TGM4: variants seen among roughly 807,000 people sequenced by gnomAD.
TGM4 encodes the protein protein-glutamine gamma-glutamyltransferase 4.
Under a neutral mutation model 76.3 loss-of-function variants are expected in TGM4, and 61 were observed. The ratio of observed to expected loss-of-function variants is 0.80; its 90% CI spans 0.65 to 0.99. The LOEUF is 0.99. Ranked by LOEUF, TGM4 falls within the 50% of genes least tolerant of loss-of-function variation. TGM4 has a pLI of 0.00. For synonymous variants in TGM4, 337 were observed against 329.8 expected (o/e 1.02, Z -0.24); for missense variants, 794 against 843.2 (o/e 0.94, Z 0.72).
chr3:44,896,896 T>G, intron 6 of TGM4, 80 bp downstream of exon 6: 3 of 1,215,738 alleles, frequency 2.5e-6, no homozygotes, highest in Non-Finnish European at 3.6e-6. Flanking sequence ...TCATCTAAAC[T>G]GTAAGCTCTT....
chr3:44,889,364 A>G (rs1275879632), intron 3 of TGM4, among the ~76,000 whole-genome samples: 1 of 151,572 alleles, frequency 6.6e-6, no homozygotes, highest in Non-Finnish European at 1.5e-5. Context: ...GACATCTTGC[A>G]GCCTCAAATG....
chr3:44,879,263 C>CTATATATA (rs1392219843), intron 1 of TGM4, among the ~76,000 whole-genome samples: 163 of 96,248 alleles, frequency 1.7e-3, no homozygotes, highest in Middle Eastern at 0.012. Flanking sequence ...CTCTCTCTCT[C>CTATATATA]TCTATATATA....
At position 44,896,716 on chromosome 3, in the gene TGM4, A is replaced by G. The variant is rs1312112333; in HGVS notation, c.557A>G (p.Lys186Arg). The G allele has an allele frequency of 6.2e-7, 1 of 1,614,136 alleles. No individual in the cohort carries two copies. Among genetic ancestry groups the G allele is most frequent in the Non-Finnish European group, 8.5e-7 (1 of 1,180,016 alleles). Reference protein sequence around the residue: ...CKPWNFGQFEKNVLDCCISLL... With the variant: ...CKPWNFGQFERNVLDCCISLL... ...CTTCATTTCCCAAAATAGTTTGAGA[A>G]AAATGTCCTGGACTGCTGCATTTCC... The change falls in exon 6 of 14, where the codon AAA becomes AGA. Residue 186 changes from lysine to arginine, a missense_variant. By Grantham distance (26) the Lys-to-Arg change is conservative. Coordinates refer to ENST00000296125, the MANE Select transcript of TGM4 (RefSeq NM_003241.4).
intron 5 of TGM4, among the ~76,000 whole-genome samples, chr3:44,895,942 G>T (rs1293757345): frequency 6.6e-6 from 1 of 152,142 alleles, no homozygotes; most frequent in African/African-American, 2.4e-5. Context: ...AGGAAACACA[G>T]AAATGTGGAA....
Position 44,896,807 on chromosome 3 carries a change from G to A in TGM4, c.648G>A (p.Met216Ile), listed in dbSNP as rs778372647. ...ACCCCGTGCTGGTGTGCAGGGCCAT[G>A]TGTGCTATGGTAGGTATGGAAAGCC... ...RRDPVLVCRA[M>I]CAMMSFEKGQ... Residue 216 changes from methionine (M) to isoleucine (I), a missense_variant, in exon 6 of 14, where the codon ATG becomes ATA. Met to Ile is a conservative substitution (Grantham distance 10, BLOSUM62 1). Transcript: ENST00000296125. The A allele has an allele frequency of 2.8e-5, 45 of 1,613,926 alleles. No individual in the cohort carries two copies. The highest frequency in any genetic ancestry group is 2.2e-4 in the Admixed American group (13 of 59,994).
intron 2 of TGM4, among the ~76,000 whole-genome samples, chr3:44,885,702 G>T (rs1027705513): frequency 6.6e-6 from 1 of 152,272 alleles, no homozygotes; most frequent in Admixed American, 6.5e-5. Context: ...ACATAGTGAG[G>T]CTCTGATTCC....
intron 8 of TGM4, among the ~76,000 whole-genome samples, chr3:44,902,799 C>T (rs1328731452): frequency 1.3e-5 from 2 of 152,132 alleles, no homozygotes; most frequent in African/African-American, 2.4e-5. Flanking sequence ...CCTTTGTTCT[C>T]TGATCCAGAG....
intron 9 of TGM4, among the ~76,000 whole-genome samples, chr3:44,904,879 G>C: frequency 6.6e-6 from 1 of 151,464 alleles, no homozygotes; most frequent in Non-Finnish European, 1.5e-5. Context: ...ACAGGACTTT[G>C]CCATATTGGT....
Position 44,893,619 on chromosome 3 carries a change from A to G in TGM4, c.473A>G (p.Tyr158Cys), listed in dbSNP as rs766347342. The change falls in exon 5 of 14, where the codon TAC becomes TGC. Residue 158 changes from tyrosine (Y) to cysteine (C), a missense_variant. Coordinates refer to ENST00000296125, the MANE Select transcript of TGM4 (RefSeq NM_003241.4). ...FMPDEDERKE[Y>C]ILNDTGCHYV... ...CCTGATGAGGACGAGCGCAAAGAGTACATCCTCAATGACACGGGCTGCCAT... is the reference window on the plus strand; with the variant it reads ...CCTGATGAGGACGAGCGCAAAGAGTGCATCCTCAATGACACGGGCTGCCAT... 1.7e-5 allele frequency: 27 copies of G among 1,613,942 alleles called. No individual in the cohort carries two copies. Among genetic ancestry groups the G allele is most frequent in the Non-Finnish European group, 2.2e-5 (26 of 1,179,882 alleles).
At chr3:44,884,505 G>A (rs1575712236) in intron 1 of TGM4, among the ~76,000 whole-genome samples, 1 of 151,968 alleles carries the variant, frequency 6.6e-6, no homozygotes, top group Non-Finnish European at 1.5e-5. Flanking sequence ...TTTTGGGGGG[G>A]ATGGAGTCTC....
At chr3:44,891,057 G>C (rs1699687685) in intron 4 of TGM4, among the ~76,000 whole-genome samples, 1 of 152,200 alleles carries the variant, frequency 6.6e-6, no homozygotes, top group Admixed American at 6.5e-5. Flanking sequence ...GCCAGCTCCA[G>C]GTCAGGGCCT....
chr3:44,885,625 C>T (rs1699595236), intron 2 of TGM4, 127 bp downstream of exon 2: 1 of 996,252 alleles, frequency 1.0e-6, no homozygotes, highest in Admixed American at 2.9e-5. Flanking sequence ...CCAGTTTCTC[C>T]ATCTGTAATG....
Position 44,911,306 on chromosome 3 carries a change from T to C in TGM4, c.1813T>C (p.Cys605Arg), listed in dbSNP as rs1485922818. 1 of 1,614,136 alleles carries C rather than the reference T, an allele frequency of 6.2e-7. No individual in the cohort carries two copies. Among genetic ancestry groups the C allele is most frequent in the African/African-American group, 1.3e-5 (1 of 74,942 alleles). ...NTGRIGQLLV[C>R]NCIFKNTLAI... is the part of the protein sequence containing the mutation. ...AGGCAGAATTGGCCAGCTACTTGTC[T>C]GCAATTGTATCTTCAAGAATACCCT... Residue 605 changes from cysteine to arginine, a missense_variant, in exon 13 of 14, where the codon TGC becomes CGC. Transcript: ENST00000296125.
chr3:44,878,454 TATTATTATTA>T (rs755288719), intron 1 of TGM4, among the ~76,000 whole-genome samples: 10,080 of 142,728 alleles, frequency 0.071, 460 homozygotes, highest in Middle Eastern at 0.12. Flanking sequence ...TTTGTTTTAT[TATTATTATTA>T]TTATTATTAT....
At position 44,874,659 on chromosome 3, in the gene TGM4, G is replaced by T. The variant is rs1575706853; in HGVS notation, c.-20G>T. 3 of 1,614,208 alleles carry T rather than the reference G, an allele frequency of 1.9e-6. No individual in the cohort carries two copies. Among genetic ancestry groups the T allele is most frequent in the South Asian group, 1.1e-5 (1 of 91,074 alleles). On this transcript the variant is annotated 5_prime_UTR_variant, in exon 1 of 14. Coordinates refer to ENST00000296125, the MANE Select transcript of TGM4 (RefSeq NM_003241.4). ...CAGAGATAGAGTCTTCCCTGGCATT[G>T]CAGGAGAGAATCTGAAGGGATGATG...
intron 11 of TGM4, 137 bp from the exon 12 acceptor site, chr3:44,910,820 TA>T: frequency 2.1e-6 from 2 of 960,958 alleles, no homozygotes; most frequent in Non-Finnish European, 3.1e-6. Flanking sequence ...TCTTGTTTTC[TA>T]AAGAGAGTAT....
intron 5 of TGM4, among the ~76,000 whole-genome samples, chr3:44,896,075 T>C (rs1185056515): frequency 1.3e-5 from 2 of 152,220 alleles, no homozygotes; most frequent in African/African-American, 4.8e-5. Context: ...CACAATTTTG[T>C]AGCCTGTTTC....
chr3:44,876,537 G>A (rs1196107616), intron 1 of TGM4: 1 of 152,182 alleles, frequency 6.6e-6, no homozygotes, highest in African/African-American at 2.4e-5. Flanking sequence ...TATGGTATTA[G>A]GACAACTGGT....
chr3:44,901,638 A>G lies in TGM4; in HGVS notation c.772A>G (p.Asn258Asp). Residue 258 changes from asparagine (N) to aspartate (D), a missense_variant, in exon 7 of 14, where the codon AAC becomes GAC. By Grantham distance (23) the Asn-to-Asp change is conservative. Transcript: ENST00000296125. ...TGCCCCGATCCTGCAGCAGTACTAC[A>G]ACACGAAGCAGGCTGTGTGCTTTGG... ...GSAPILQQYY[N>D]TKQAVCFGQC... 6.2e-7 allele frequency: 1 copy of G among 1,614,192 alleles called. No individual in the cohort carries two copies. Among genetic ancestry groups the G allele is most frequent in the Non-Finnish European group, 8.5e-7 (1 of 1,180,034 alleles).
Sources: gnomAD v4.1 joint callset for allele counts (sites outside exome capture counted in the v4.1 genomes callset) on GRCh38, gnomAD v4.1.1 for gene constraint, MANE v1.5 for transcripts, NCBI Gene and HGNC (gene_info 2026-07-23, HGNC 2026-07-21) for gene names.